LRP1B: variants seen among roughly 807,000 people sequenced by gnomAD.
LRP1B encodes the protein low-density lipoprotein receptor-related protein 1B.
A neutral mutation model predicts 556.6 loss-of-function variants in LRP1B; 217 were observed. The ratio of observed to expected loss-of-function variants is 0.39; its 90% CI spans 0.35 to 0.44. The LOEUF (loss-of-function observed/expected upper bound fraction) is 0.44, where lower values mean the gene tolerates loss of function less well. LRP1B is among the 20% of genes least tolerant of loss of function. The probability of loss-of-function intolerance (pLI) is 1.00; values close to 1 mark genes in which losing one functional copy is unlikely to be tolerated. For missense variants in LRP1B, 5,053 were observed against 5,620.8 expected, an observed-to-expected ratio of 0.90 and a Z score of 3.23; for synonymous variants, 2,047 against 1,865.8, an observed-to-expected ratio of 1.10 and a Z score of -2.50.
chr2:140,550,286 G>T (rs989405328), intron 43 of LRP1B, among the ~76,000 whole-genome samples: 6 of 152,080 alleles, frequency 3.9e-5, no homozygotes, highest in Admixed American at 6.6e-5. Flanking sequence ...CTATGCAGAT[G>T]GTTTGTCCAA....
intron 1 of LRP1B, among the ~76,000 whole-genome samples, chr2:142,113,652 G>A (rs1707084417): frequency 6.6e-6 from 1 of 151,968 alleles, no homozygotes; most frequent in Non-Finnish European, 1.5e-5. Flanking sequence ...AAATAAATAC[G>A]TGTGTACATT....
At chr2:140,993,800 T>C (rs541104029) in intron 16 of LRP1B, among the ~76,000 whole-genome samples, 195 bp downstream of exon 16, 1 of 152,012 alleles carries the variant, frequency 6.6e-6, no homozygotes, top group Non-Finnish European at 1.5e-5. Flanking sequence ...TGGAAAAGGA[T>C]GAGAAAAACT....
intron 1 of LRP1B, among the ~76,000 whole-genome samples, chr2:141,878,596 A>G (rs1259856895): frequency 6.6e-6 from 1 of 151,974 alleles, no homozygotes. Flanking sequence ...AGATAGTAAT[A>G]TTTCCCCTTT....
intron 2 of LRP1B, among the ~76,000 whole-genome samples, chr2:141,595,233 A>G (rs1003837341): frequency 2.6e-5 from 4 of 152,104 alleles, no homozygotes; most frequent in African/African-American, 9.7e-5. Context: ...GTTTTCTTAC[A>G]GTTTATCAGG....
At chr2:140,306,242 T>C (rs1231175754) in intron 83 of LRP1B, among the ~76,000 whole-genome samples, 1 of 151,966 alleles carries the variant, frequency 6.6e-6, no homozygotes, top group African/African-American at 2.4e-5. Context: ...CAGCTCCTCC[T>C]TGTACTTCCG....
At chr2:140,639,603 G>A (rs1684201072) in intron 41 of LRP1B, among the ~76,000 whole-genome samples, 1 of 152,164 alleles carries the variant, frequency 6.6e-6, no homozygotes, top group African/African-American at 2.4e-5. Flanking sequence ...TGATGCTTGA[G>A]CTATGCTAGG....
chr2:141,709,372 A>G lies in LRP1B; in HGVS notation c.205+100907T>C, dbSNP rs969922403. 3.1e-4 allele frequency among the ~76,000 whole-genome samples: 46 copies of G among 149,608 alleles called. 1 individual carries two copies. The highest frequency in any genetic ancestry group is 2.1e-3 in the Admixed American group (31 of 14,942). Reference sequence around the variant, plus strand: ...TCAAAAAATAAAAGAAAATAAATAAAATAAAATAAAATAAAATAAAATAAC... The same window carrying G: ...TCAAAAAATAAAAGAAAATAAATAAGATAAAATAAAATAAAATAAAATAAC... On this transcript the variant is annotated intron_variant, in intron 2 of 90. Coordinates refer to ENST00000389484, the MANE Select transcript of LRP1B (RefSeq NM_018557.3).
intron 2 of LRP1B, among the ~76,000 whole-genome samples, chr2:141,802,057 T>C (rs1696024621): frequency 6.6e-6 from 1 of 152,106 alleles, no homozygotes; most frequent in Non-Finnish European, 1.5e-5. Context: ...GCCTCTTTTG[T>C]TTGCTTGTAA....
chr2:141,090,662 G>A lies in LRP1B; in HGVS notation c.1014-28389C>T, dbSNP rs182441142. On this transcript the variant is annotated intron_variant, in intron 7 of 90. Transcript: ENST00000389484. ...TATGTCAGGTTAGAACTCATTAAAT[G>A]CAAAGTGATCTACATGTCCATGAGA... is the stretch of plus-strand genomic sequence containing the variant. Among the ~76,000 whole-genome samples the A allele has an allele frequency of 4.7e-3, 719 of 152,250 alleles. 3 individuals carry two copies. Among genetic ancestry groups the A allele is most frequent in the Admixed American group, 8.4e-3 (128 of 15,292 alleles).
intron 35 of LRP1B, among the ~76,000 whole-genome samples, chr2:140,744,465 T>C (rs1688253166): frequency 6.6e-6 from 1 of 152,130 alleles, no homozygotes; most frequent in South Asian, 2.1e-4. Context: ...ATACATATGG[T>C]CTAAGAAGCA....
chr2:140,631,639 GA>G (rs1683889643), intron 41 of LRP1B, among the ~76,000 whole-genome samples: 1 of 152,034 alleles, frequency 6.6e-6, no homozygotes, highest in South Asian at 2.1e-4. Flanking sequence ...AATAAAAAAC[GA>G]ACAGAACATT....
chr2:140,875,034 A>C (rs1397500400), intron 25 of LRP1B, among the ~76,000 whole-genome samples: 1 of 151,896 alleles, frequency 6.6e-6, no homozygotes, highest in African/African-American at 2.4e-5. Flanking sequence ...AAAAAAAAAA[A>C]AGGACACCAA....
chr2:141,287,623 C>T (rs1482820564), intron 3 of LRP1B, among the ~76,000 whole-genome samples: 1 of 152,016 alleles, frequency 6.6e-6, no homozygotes, highest in Non-Finnish European at 1.5e-5. Flanking sequence ...ATCAATACAC[C>T]ATTTAGAATT....
At chr2:141,451,159 G>A (rs1681407781) in intron 3 of LRP1B, among the ~76,000 whole-genome samples, 1 of 152,200 alleles carries the variant, frequency 6.6e-6, no homozygotes, top group Non-Finnish European at 1.5e-5. Context: ...GACATTAGGA[G>A]TGTAGGACCC....
intron 47 of LRP1B, among the ~76,000 whole-genome samples, chr2:140,532,754 A>T (rs1454996609): frequency 6.6e-6 from 1 of 151,780 alleles, no homozygotes; most frequent in African/African-American, 2.4e-5. Flanking sequence ...AATTACTTTC[A>T]GTTTCAATGG....
chr2:141,783,203 T>C (rs141659853), intron 2 of LRP1B, among the ~76,000 whole-genome samples: 3,088 of 152,158 alleles, frequency 0.02, 47 homozygotes, highest in Non-Finnish European at 0.031. Flanking sequence ...AGCCACCCAT[T>C]AGCACTCTCC....
chr2:141,305,341 T>A (rs1185811925), intron 3 of LRP1B, among the ~76,000 whole-genome samples: 1 of 152,164 alleles, frequency 6.6e-6, no homozygotes, highest in African/African-American at 2.4e-5. Context: ...TTTTATTTTA[T>A]TTTTGTAGCT....
At chr2:141,404,949 G>T (rs55916708) in intron 3 of LRP1B, among the ~76,000 whole-genome samples, 2,866 of 151,938 alleles carry the variant, frequency 0.019, 90 homozygotes, top group African/African-American at 0.065. Flanking sequence ...ATAGTTAGCT[G>T]GGTGTAGTGG....
chr2:141,639,420 A>AT lies in LRP1B; in HGVS notation c.206-158888dup, dbSNP rs1400558996. The stretch of plus-strand genomic sequence containing the variant: ...TATATATATATGTGTATATATATAT[A>AT]TATTTTTTTTTGAGACAGAGTCTCA... On this transcript the variant is annotated intron_variant, in intron 2 of 90. Coordinates refer to ENST00000389484, the MANE Select transcript of LRP1B (RefSeq NM_018557.3). Among the ~76,000 whole-genome samples, 12 of 134,788 alleles carry AT rather than the reference A, an allele frequency of 8.9e-5. No individual in the cohort carries two copies. The East Asian group carries it at 1.5e-3, about 17-fold the overall frequency. 88.4% of individuals were successfully genotyped at this position (134,788 alleles called of 152,430 possible).
Sources: allele counts gnomAD v4.1 joint callset (sites outside exome capture counted in the v4.1 genomes callset), GRCh38; gene constraint gnomAD v4.1.1; transcripts MANE v1.5; gene names NCBI Gene and HGNC (gene_info 2026-07-23, HGNC 2026-07-21).